The following CTNND2 variants were observed in gnomAD, a reference collection of about 807,000 sequenced individuals.
CTNND2 encodes the protein catenin delta 2.
Under a neutral mutation model 144.4 loss-of-function variants are expected in CTNND2, and 22 were observed. That is an observed-to-expected ratio of 0.15 (90% CI 0.11 to 0.22). CTNND2 has a LOEUF of 0.22. CTNND2 is among the 10% of genes least tolerant of loss of function. The pLI is 1.00. For synonymous variants in CTNND2, 751 were observed against 695.6 expected, an observed-to-expected ratio of 1.08 and a Z score of -1.25; for missense variants, 1,353 against 1,618.8, an observed-to-expected ratio of 0.84 and a Z score of 2.82.
chr5:11,830,669 A>G (rs1271760851), intron 1 of CTNND2, among the ~76,000 whole-genome samples: 1 of 152,052 alleles, frequency 6.6e-6, no homozygotes, highest in African/African-American at 2.4e-5. Flanking sequence ...ACTAGTACGG[A>G]CTCCACGCAG....
intron 6 of CTNND2, among the ~76,000 whole-genome samples, chr5:11,388,700 C>T (rs1759327331): frequency 6.6e-6 from 1 of 152,178 alleles, no homozygotes; most frequent in Non-Finnish European, 1.5e-5. Flanking sequence ...GATTTAGTAA[C>T]TCTTTGTCAG....
In CTNND2 at chr5:11,018,072, G is replaced by C; in HGVS notation, c.3000-14C>G. 2 of 1,594,644 alleles carry C rather than the reference G, an allele frequency of 1.3e-6. No individual in the cohort carries two copies. Among genetic ancestry groups the C allele is most frequent in the Non-Finnish European group, 1.7e-6 (2 of 1,162,610 alleles). The stretch of plus-strand genomic sequence containing the variant: ...TTTGGAGAGTGTCTGATGAAGAAAA[G>C]ACAGGAAAGGCAAGATGTGAGTGGG... On this transcript the variant is annotated splice_polypyrimidine_tract_variant and intron_variant, in intron 17 of 21. Coordinates refer to ENST00000304623, the MANE Select transcript of CTNND2 (RefSeq NM_001332.4).
At chr5:11,344,220 G>C (rs539448535) in intron 9 of CTNND2, among the ~76,000 whole-genome samples, 9 of 151,846 alleles carry the variant, frequency 5.9e-5, no homozygotes, top group Admixed American at 6.6e-5. Context: ...GTGAAACCCC[G>C]TCTCTACTAA....
intron 16 of CTNND2, among the ~76,000 whole-genome samples, chr5:11,051,296 T>TG (rs1745799656): frequency 1.3e-5 from 2 of 152,190 alleles, no homozygotes; most frequent in Admixed American, 1.3e-4. Context: ...AAGAGAATTT[T>TG]GGGTGGGGGA....
chr5:11,073,390 CA>C (rs1475227195), intron 16 of CTNND2, among the ~76,000 whole-genome samples: 1 of 152,236 alleles, frequency 6.6e-6, no homozygotes, highest in Non-Finnish European at 1.5e-5. Context: ...AACACCTAAA[CA>C]GTCCAAATAA....
intron 2 of CTNND2, among the ~76,000 whole-genome samples, chr5:11,575,754 T>C (rs1777927028): frequency 6.6e-6 from 1 of 152,180 alleles, no homozygotes; most frequent in African/African-American, 2.4e-5. Flanking sequence ...TGATGGTTTC[T>C]GACACACCAC....
At chr5:11,562,043 C>T (rs1192624151) in intron 3 of CTNND2, among the ~76,000 whole-genome samples, 2 of 151,192 alleles carry the variant, frequency 1.3e-5, no homozygotes, top group African/African-American at 4.9e-5. Flanking sequence ...AGCAAGACTA[C>T]ATCTCAAAAA....
chr5:11,797,103 A>G (rs572844033), intron 1 of CTNND2, among the ~76,000 whole-genome samples: 1 of 152,342 alleles, frequency 6.6e-6, no homozygotes, highest in African/African-American at 2.4e-5. Flanking sequence ...TTAACTGAGG[A>G]AAAAGGTTTC....
intron 3 of CTNND2, among the ~76,000 whole-genome samples, chr5:11,507,290 T>C (rs941303531): frequency 5.9e-5 from 9 of 152,188 alleles, no homozygotes; most frequent in African/African-American, 2.2e-4. Flanking sequence ...TCTAGCTCTA[T>C]GTAGAGTAAG....
intron 1 of CTNND2, among the ~76,000 whole-genome samples, chr5:11,732,597 G>T (rs1787452819): frequency 6.6e-6 from 1 of 152,148 alleles, no homozygotes; most frequent in South Asian, 2.1e-4. Context: ...AAGAAGTATT[G>T]AGTCTAAGAA....
chr5:11,509,816 G>C (rs1452713408), intron 3 of CTNND2, among the ~76,000 whole-genome samples: 2 of 152,150 alleles, frequency 1.3e-5, no homozygotes, highest in African/African-American at 4.8e-5. Context: ...AATGTTTTCG[G>C]ATTTCACACC....
At chr5:11,089,150 A>G (rs1344430123) in intron 15 of CTNND2, among the ~76,000 whole-genome samples, 1 of 152,176 alleles carries the variant, frequency 6.6e-6, no homozygotes, top group Non-Finnish European at 1.5e-5. Flanking sequence ...CGTGGAGGGG[A>G]ACTTCTGCCT....
rs1554049694 is a variant in CTNND2, at chr5:11,128,740, T to TTTATATATA, written c.2160-11182_2160-11174dup. 5.7e-3 allele frequency among the ~76,000 whole-genome samples: 237 copies of TTTATATATA among 41,706 alleles called. 11 individuals are homozygous for TTTATATATA. The East Asian group carries it at 0.23, about 40-fold the overall frequency. The allele number at this position is 41,706 out of a possible 152,430, so 27.4% of individuals were successfully genotyped here. A position where few individuals can be genotyped will look rare whatever the true frequency, so the allele number is the denominator to read the frequency against. ...AAATGCCATATATATAATATATATA[T>TTTATATATA]TTATATATATTATATATAAATATAT... is the stretch of plus-strand genomic sequence containing the variant. On this transcript the variant is annotated intron_variant, in intron 12 of 21. Coordinates refer to ENST00000304623, the MANE Select transcript of CTNND2 (RefSeq NM_001332.4).
intron 9 of CTNND2, among the ~76,000 whole-genome samples, chr5:11,329,978 A>C (rs919178844): frequency 6.6e-6 from 1 of 152,162 alleles, no homozygotes; most frequent in East Asian, 1.9e-4. Flanking sequence ...CATTCCTTGT[A>C]GTCTGTAAGT....
chr5:11,246,154 G>A lies in CTNND2; in HGVS notation c.1629-9331C>T, dbSNP rs548960964. On this transcript the variant is annotated intron_variant, in intron 9 of 21. Coordinates refer to ENST00000304623, the MANE Select transcript of CTNND2 (RefSeq NM_001332.4). ...TGGAGCAAAGGTTCCTATTCTTGGG[G>A]AGCTGACTTTCGATTGGTCACTGGT... Among the ~76,000 whole-genome samples the A allele has an allele frequency of 2.0e-5, 3 of 152,314 alleles. No individual in the cohort carries two copies. The South Asian group carries it at 6.2e-4, about 32-fold the overall frequency.
intron 16 of CTNND2, among the ~76,000 whole-genome samples, chr5:11,038,132 G>T (rs1342678981): frequency 6.6e-6 from 1 of 152,076 alleles, no homozygotes; most frequent in African/African-American, 2.4e-5. Context: ...TCATATGTGG[G>T]GTTAATGCCT....
At chr5:11,416,951 T>C (rs1761984756) in intron 3 of CTNND2, among the ~76,000 whole-genome samples, 1 of 152,116 alleles carries the variant, frequency 6.6e-6, no homozygotes, top group African/African-American at 2.4e-5. Context: ...GAAAAACATG[T>C]ATTTAGGACA....
intron 3 of CTNND2, among the ~76,000 whole-genome samples, chr5:11,539,990 C>A (rs999821231): frequency 1.3e-5 from 2 of 152,110 alleles, no homozygotes; most frequent in African/African-American, 4.8e-5. Context: ...GCTGAGGTCG[C>A]ACCACTGCAC....
intron 3 of CTNND2, among the ~76,000 whole-genome samples, chr5:11,550,768 A>C (rs138648303): frequency 3.5e-4 from 54 of 152,384 alleles, no homozygotes; most frequent in African/African-American, 1.2e-3. Flanking sequence ...ATTAGAATAC[A>C]TTCACATAGG....
Sources: allele counts gnomAD v4.1 joint callset (sites outside exome capture counted in the v4.1 genomes callset), GRCh38; gene constraint gnomAD v4.1.1; transcripts MANE v1.5; gene names NCBI Gene and HGNC (gene_info 2026-07-23, HGNC 2026-07-21).